The following MGAT4C variants were observed in gnomAD, a reference collection of about 807,000 sequenced individuals.
The protein encoded by MGAT4C is MGAT4 family member C.
In MGAT4C, 19 loss-of-function variants were observed where a neutral mutation model predicts 40.1. The observed-to-expected ratio is 0.47, with a 90% CI of 0.33 to 0.70. MGAT4C has a LOEUF of 0.70. Among genes scored for constraint, MGAT4C ranks in the 30% least tolerant of loss-of-function variants. The pLI is 0.02. For missense variants in MGAT4C, 491 were observed against 563.2 expected (o/e 0.87, Z 1.30); for synonymous variants, 181 against 187.1 (o/e 0.97, Z 0.27).
intron 1 of MGAT4C, among the ~76,000 whole-genome samples, chr12:86,181,593 T>C (rs999691745): frequency 6.6e-6 from 1 of 152,198 alleles, no homozygotes; most frequent in Non-Finnish European, 1.5e-5. Flanking sequence ...ATGCAAATTT[T>C]AACAACTTAT....
intron 1 of MGAT4C, among the ~76,000 whole-genome samples, chr12:86,134,857 A>G (rs839136): frequency 0.59 from 89,039 of 151,878 alleles, 26,402 homozygotes; most frequent in South Asian, 0.72. Context: ...TCGTTTGTCA[A>G]ATGTGAAGAT....
intron 1 of MGAT4C, among the ~76,000 whole-genome samples, chr12:86,137,596 C>T (rs1017713468): frequency 6.6e-6 from 1 of 152,124 alleles, no homozygotes; most frequent in Non-Finnish European, 1.5e-5. Context: ...ACCTTATACG[C>T]TCAAGAAAAG....
chr12:86,408,018 A>C (rs1956509509), intron 3 of MGAT4C, among the ~76,000 whole-genome samples: 1 of 152,086 alleles, frequency 6.6e-6, no homozygotes, highest in Admixed American at 6.6e-5. Flanking sequence ...ATTGACTCTA[A>C]TGTTGTTGCC....
intron 2 of MGAT4C, among the ~76,000 whole-genome samples, chr12:86,044,773 G>T (rs1892223045): frequency 6.6e-6 from 1 of 152,082 alleles, no homozygotes; most frequent in South Asian, 2.1e-4. Flanking sequence ...CTGCCAGGTT[G>T]GGGCCCTGGA....
chr12:86,474,991 A>G lies in MGAT4C; in HGVS notation c.-228-39726T>C, dbSNP rs550675101. Among the ~76,000 whole-genome samples the G allele has an allele frequency of 5.3e-5, 8 of 152,272 alleles. No homozygotes were observed. In the South Asian group the frequency reaches 1.7e-3, roughly 32 times the overall value. On this transcript the variant is annotated intron_variant, in intron 2 of 7. Coordinates refer to the MGAT4C transcript ENST00000548651. ...AAAACACATTTAAAATAAAAATACAAAGTTAGAAGTTTAGCACTTAACTGA... is the reference window on the plus strand; with the variant it reads ...AAAACACATTTAAAATAAAAATACAGAGTTAGAAGTTTAGCACTTAACTGA...
intron 1 of MGAT4C, among the ~76,000 whole-genome samples, chr12:86,252,626 C>T (rs1013367256): frequency 3.3e-5 from 5 of 151,734 alleles, no homozygotes; most frequent in African/African-American, 4.8e-5. Context: ...AAAAATTGGC[C>T]TTAAAAAGTA....
intron 2 of MGAT4C, among the ~76,000 whole-genome samples, chr12:86,619,634 T>A (rs1029504940): frequency 6.6e-6 from 1 of 152,194 alleles, no homozygotes; most frequent in Non-Finnish European, 1.5e-5. Flanking sequence ...TCACTCTGTC[T>A]CCTGTGCCCA....
chr12:86,507,346 T>C (rs969769860), intron 2 of MGAT4C, among the ~76,000 whole-genome samples: 1 of 152,184 alleles, frequency 6.6e-6, no homozygotes, highest in Non-Finnish European at 1.5e-5. Flanking sequence ...TCCACTAATA[T>C]TGAGCTTTGT....
chr12:86,654,337 G>T (rs1157953404), intron 2 of MGAT4C, among the ~76,000 whole-genome samples: 2 of 44,092 alleles, frequency 4.5e-5, no homozygotes, highest in Non-Finnish European at 1.0e-4. Context: ...AAATAAGTTT[G>T]TGGGGTTTTT....
rs59991203 is a variant in MGAT4C, at chr12:86,759,242, A to G, written c.-261-32001T>C. Among the ~76,000 whole-genome samples, 1,236 of 152,234 alleles carry G rather than the reference A, an allele frequency of 8.1e-3. 13 individuals are homozygous for G. The highest frequency in any genetic ancestry group is 0.028 in the African/African-American group (1,182 of 41,566). On this transcript the variant is annotated intron_variant, in intron 1 of 7. Coordinates refer to the MGAT4C transcript ENST00000548651. The stretch of plus-strand genomic sequence containing the variant: ...TTCATTATTTTTATGGCTGAATAGT[A>G]TTCCATTGTGTATATATACCATGGT...
intron 2 of MGAT4C, among the ~76,000 whole-genome samples, chr12:85,991,045 A>T (rs1885859357): frequency 6.6e-6 from 1 of 152,156 alleles, no homozygotes; most frequent in Non-Finnish European, 1.5e-5. Context: ...AGGTATTCAG[A>T]CAAGTGGAGG....
At chr12:86,769,422 G>T (rs1369002919) in intron 1 of MGAT4C, among the ~76,000 whole-genome samples, 2 of 152,140 alleles carry the variant, frequency 1.3e-5, no homozygotes, top group Admixed American at 1.3e-4. Flanking sequence ...TGGTGGGATT[G>T]TAAACTAGTT....
intron 3 of MGAT4C, among the ~76,000 whole-genome samples, chr12:86,424,609 A>G (rs757168708): frequency 6.6e-6 from 1 of 152,162 alleles, no homozygotes; most frequent in Admixed American, 6.5e-5. Flanking sequence ...TTGATTCCCA[A>G]GTGGGGATGG....
chr12:86,728,044 TG>T (rs1471434191), intron 1 of MGAT4C, among the ~76,000 whole-genome samples: 1 of 152,196 alleles, frequency 6.6e-6, no homozygotes, highest in African/African-American at 2.4e-5. Context: ...TGTTCTTTAT[TG>T]ATAAATAAGT....
chr12:86,486,581 GTTC>G (rs1479852429), intron 2 of MGAT4C, among the ~76,000 whole-genome samples: 1 of 152,116 alleles, frequency 6.6e-6, no homozygotes, highest in Non-Finnish European at 1.5e-5. Context: ...CATAAAATCA[GTTC>G]TTCTTGACCT....
chr12:86,061,805 G>A (rs1297893033), intron 1 of MGAT4C, among the ~76,000 whole-genome samples: 1 of 152,110 alleles, frequency 6.6e-6, no homozygotes, highest in Non-Finnish European at 1.5e-5. Flanking sequence ...AGTCCACTGT[G>A]TTCAGACTGC....
At chr12:86,580,999 G>T (rs755332207) in intron 2 of MGAT4C, among the ~76,000 whole-genome samples, 10 of 151,430 alleles carry the variant, frequency 6.6e-5, no homozygotes, top group African/African-American at 1.2e-4. Flanking sequence ...CAGTGTGCTG[G>T]CATAGTGGGT....
chr12:86,513,371 C>T (rs1239617719), intron 2 of MGAT4C, among the ~76,000 whole-genome samples: 1 of 152,006 alleles, frequency 6.6e-6, no homozygotes, highest in Non-Finnish European at 1.5e-5. Context: ...AGATGATGTA[C>T]CTAAAATGAT....
intron 2 of MGAT4C, among the ~76,000 whole-genome samples, chr12:86,707,809 G>T (rs1211230248): frequency 6.6e-6 from 1 of 152,116 alleles, no homozygotes; most frequent in Non-Finnish European, 1.5e-5. Context: ...GGGATTACAG[G>T]CATGAGCCTC....
Sources: gnomAD v4.1 joint callset for allele counts (sites outside exome capture counted in the v4.1 genomes callset) on GRCh38, gnomAD v4.1.1 for gene constraint, MANE v1.5 for transcripts, NCBI Gene and HGNC (gene_info 2026-07-23, HGNC 2026-07-21) for gene names.